Variants in SMARCA1 observed in about 807,000 individuals in gnomAD.
SMARCA1 encodes SWI/SNF-related matrix-associated actin-dependent regulator of chromatin subfamily A member 1.
In SMARCA1, 17 loss-of-function variants were observed where a neutral mutation model predicts 93.6. The ratio of observed to expected loss-of-function variants is 0.18; its 90% CI spans 0.12 to 0.27. The LOEUF (loss-of-function observed/expected upper bound fraction) is 0.27. SMARCA1 is among the 10% of genes least tolerant of loss of function. The pLI, the probability that SMARCA1 is intolerant of heterozygous loss-of-function variation, is 1.00. For synonymous variants in SMARCA1, 271 were observed against 271.4 expected (o/e 1.00, Z 0.01); for missense variants, 630 against 819.0 (o/e 0.77, Z 2.82).
In SMARCA1 at chrX:129,523,393, GGGGGACAAGGCA is replaced by G; in HGVS notation, c.-35_-24del. The G allele has an allele frequency of 1.7e-6, 2 of 1,146,686 alleles. No homozygotes were observed. Among genetic ancestry groups the G allele is most frequent in the South Asian group, 2.0e-5 (1 of 50,086 alleles). 94.5% of individuals were successfully genotyped at this position (1,146,686 alleles called of 1,213,427 possible). ...CATGCCGTGGGAGCGGGAACGAGTA[GGGGGACAAGGCA>G]GGGGACGAGGGCTCCTGGGCGGCGG... On this transcript the variant is annotated 5_prime_UTR_variant, in exon 1 of 25. Transcript: ENST00000371121.
intron 17 of SMARCA1, among the ~76,000 whole-genome samples, chrX:129,483,511 A>G (rs1262125135): frequency 8.9e-6 from 1 of 112,276 alleles, no homozygotes; most frequent in Non-Finnish European, 1.9e-5. Flanking sequence ...AAGCGACAGT[A>G]ATGAAAGAGA....
chrX:129,514,867 G>A (rs1029784700), intron 5 of SMARCA1, among the ~76,000 whole-genome samples: 1 of 110,135 alleles, frequency 9.1e-6, no homozygotes, highest in Non-Finnish European at 1.9e-5. Context: ...GGCCAAAACG[G>A]TGAAACCCCA....
chrX:129,513,055 T>G (rs1209076507), intron 5 of SMARCA1, among the ~76,000 whole-genome samples: 1 of 112,217 alleles, frequency 8.9e-6, no homozygotes, highest in Admixed American at 9.5e-5. Flanking sequence ...ATATATACAA[T>G]ATGATTTCAA....
intron 19 of SMARCA1, among the ~76,000 whole-genome samples, chrX:129,475,279 G>T (rs1933325457): frequency 1.8e-5 from 2 of 110,383 alleles, no homozygotes; most frequent in Non-Finnish European, 3.8e-5. Context: ...AGCACTTTGG[G>T]AGGTCAAGGC....
intron 6 of SMARCA1, 45 bp from the exon 7 acceptor site, chrX:129,508,141 G>C (rs767035828): frequency 3.3e-5 from 25 of 747,716 alleles, no homozygotes; most frequent in Non-Finnish European, 4.7e-5. Flanking sequence ...ATTTATATTA[G>C]AATATGTTAT....
At chrX:129,458,796 C>T (rs1373983342) in intron 23 of SMARCA1, among the ~76,000 whole-genome samples, 1 of 112,386 alleles carries the variant, frequency 8.9e-6, no homozygotes, top group Admixed American at 9.4e-5. Context: ...AAACTCCACT[C>T]CGCATTTGTG....
chrX:129,499,341 CAAAGAATGCTTTT>C (rs200454011), intron 10 of SMARCA1, among the ~76,000 whole-genome samples: 637 of 111,910 alleles, frequency 5.7e-3, no homozygotes, highest in Non-Finnish European at 9.0e-3. Context: ...TGCACCTGGC[CAAAGAATGCTTTT>C]AAAGAATGCT....
At chrX:129,505,196 C>A (rs1934763152) in intron 8 of SMARCA1, among the ~76,000 whole-genome samples, 3 of 111,879 alleles carry the variant, frequency 2.7e-5, no homozygotes, top group African/African-American at 9.7e-5. Context: ...GCCAAACTTG[C>A]TACTTTTTAT....
At chrX:129,460,575 TG>T (rs1303867799) in intron 23 of SMARCA1, among the ~76,000 whole-genome samples, 2 of 110,700 alleles carry the variant, frequency 1.8e-5, no homozygotes, top group African/African-American at 3.3e-5. Flanking sequence ...CACTTGAACC[TG>T]GGAGGCGGAG....
chrX:129,499,511 T>C (rs771901538), intron 10 of SMARCA1, among the ~76,000 whole-genome samples: 25 of 112,109 alleles, frequency 2.2e-4, no homozygotes, highest in African/African-American at 8.1e-4. Flanking sequence ...TGGTAATGCA[T>C]GGAATTCAAA....
intron 23 of SMARCA1, among the ~76,000 whole-genome samples, chrX:129,454,075 T>C (rs1244387116): frequency 8.9e-6 from 1 of 111,980 alleles, no homozygotes; most frequent in Non-Finnish European, 1.9e-5. Flanking sequence ...AACAGCATGA[T>C]ATTGGTACCA....
At chrX:129,460,202 T>C (rs999060112) in intron 23 of SMARCA1, among the ~76,000 whole-genome samples, 1 of 111,307 alleles carries the variant, frequency 9.0e-6, no homozygotes, top group Admixed American at 9.6e-5. Flanking sequence ...CATGAGGAGG[T>C]AATAAACTCC....
chrX:129,502,620 G>A (rs1000536954), intron 9 of SMARCA1, among the ~76,000 whole-genome samples: 3 of 111,836 alleles, frequency 2.7e-5, no homozygotes, highest in Middle Eastern at 4.6e-3. Context: ...AGTAGATATG[G>A]AGAGGATAAA....
At chrX:129,468,341 G>A (rs1932982514) in intron 21 of SMARCA1, among the ~76,000 whole-genome samples, 1 of 111,858 alleles carries the variant, frequency 8.9e-6, no homozygotes, top group Non-Finnish European at 1.9e-5. Flanking sequence ...GGAATAGGGT[G>A]GAACTCTGAG....
chrX:129,465,238 T>C (rs1932879535), intron 23 of SMARCA1, among the ~76,000 whole-genome samples: 1 of 111,926 alleles, frequency 8.9e-6, no homozygotes, highest in African/African-American at 3.2e-5. Context: ...ACATTGTCTG[T>C]AATTTTCAAA....
intron 9 of SMARCA1, among the ~76,000 whole-genome samples, 152 bp downstream of exon 9, chrX:129,504,563 AAAAAAAAAAAAAAAAAAAC>A (rs1235037721): frequency 3.1e-5 from 3 of 96,040 alleles, no homozygotes; most frequent in East Asian, 3.2e-4. Flanking sequence ...AAAAAAAAAA[AAAAAAAAAAAAAAAAAAAC>A]AAAGAGGCTG....
chrX:129,461,948 G>T (rs1932813289), intron 23 of SMARCA1, among the ~76,000 whole-genome samples: 1 of 111,551 alleles, frequency 9.0e-6, no homozygotes, highest in Non-Finnish European at 1.9e-5. Flanking sequence ...TAATGAAAAA[G>T]AGCCTCAAAG....
At chrX:129,517,297 C>A (rs1008194569) in intron 2 of SMARCA1, among the ~76,000 whole-genome samples, 2 of 110,772 alleles carry the variant, frequency 1.8e-5, no homozygotes, top group African/African-American at 6.6e-5. Flanking sequence ...CTAAAAAAAT[C>A]TTAAAAGATC....
intron 6 of SMARCA1, among the ~76,000 whole-genome samples, chrX:129,508,621 C>A (rs779887741): frequency 1.8e-5 from 2 of 112,438 alleles, no homozygotes; most frequent in East Asian, 5.6e-4. Flanking sequence ...TGGAAGCCCA[C>A]TAATGTTTTT....
Sources: allele counts gnomAD v4.1 joint callset (sites outside exome capture counted in the v4.1 genomes callset), GRCh38; gene constraint gnomAD v4.1.1; transcripts MANE v1.5; gene names NCBI Gene and HGNC (gene_info 2026-07-23, HGNC 2026-07-21).